FAM135B: variants seen among roughly 807,000 people sequenced by gnomAD.
FAM135B encodes the protein protein FAM135B.
In FAM135B, 43 loss-of-function variants were observed where a neutral mutation model predicts 127.7. The ratio of observed to expected loss-of-function variants is 0.34; its 90% CI spans 0.26 to 0.43. The LOEUF (loss-of-function observed/expected upper bound fraction) is 0.43, where lower values mean the gene tolerates loss of function less well. Among genes scored for constraint, FAM135B ranks in the 20% least tolerant of loss-of-function variants. FAM135B has a pLI of 1.00. For synonymous variants in FAM135B, 670 were observed against 665.1 expected (o/e 1.01, Z -0.11); for missense variants, 1,558 against 1,725.6 (o/e 0.90, Z 1.72).
At chr8:138,157,732 A>C (rs1236365375) in intron 12 of FAM135B, among the ~76,000 whole-genome samples, 1 of 152,222 alleles carries the variant, frequency 6.6e-6, no homozygotes, top group Non-Finnish European at 1.5e-5. Context: ...TAGGAATCCA[A>C]CTTACAAGGG....
chr8:138,478,511 T>C (rs1814624177), intron 1 of FAM135B, among the ~76,000 whole-genome samples: 1 of 152,218 alleles, frequency 6.6e-6, no homozygotes, highest in African/African-American at 2.4e-5. Context: ...CCAAATTATT[T>C]GTTTTATCAT....
intron 3 of FAM135B, among the ~76,000 whole-genome samples, chr8:138,295,042 T>C (rs1563866792): frequency 6.6e-6 from 1 of 151,468 alleles, no homozygotes; most frequent in Non-Finnish European, 1.5e-5. Context: ...AAGAGCTGGG[T>C]CATGAGAGAT....
At chr8:138,262,023 T>C (rs1322338192) in intron 4 of FAM135B, among the ~76,000 whole-genome samples, 1 of 152,226 alleles carries the variant, frequency 6.6e-6, no homozygotes, top group African/African-American at 2.4e-5. Context: ...CAATTAGCTG[T>C]GCCATTGTTT....
intron 7 of FAM135B, among the ~76,000 whole-genome samples, chr8:138,229,043 G>A (rs924249568): frequency 4.4e-5 from 2 of 45,362 alleles, no homozygotes; most frequent in Non-Finnish European, 9.0e-5. Flanking sequence ...ACACTCACAC[G>A]TGTGTGTGTG....
chr8:138,151,944 T>C lies in FAM135B; in HGVS notation c.2531A>G (p.Tyr844Cys), dbSNP rs1187829962. The C allele has an allele frequency of 1.2e-6, 2 of 1,614,092 alleles. No individual in the cohort carries two copies. Among genetic ancestry groups the C allele is most frequent in the African/African-American group, 2.7e-5 (2 of 74,938 alleles). The change falls in exon 13 of 20, where the codon TAC (tyrosine) becomes TGC (cysteine). Residue 844 changes from tyrosine (Y) to cysteine (C), a missense_variant. Coordinates refer to ENST00000395297, the MANE Select transcript of FAM135B (RefSeq NM_015912.4). ...CCCTTTCCCTTTGGGGATGTCTATG[T>C]ATCCGGGGCCCTGCTGGTTGTCAGC... ...LDADNQQGPG[Y>C]IDIPKGKGKQ...
chr8:138,417,201 G>A (rs551625232), intron 1 of FAM135B, among the ~76,000 whole-genome samples: 1 of 152,264 alleles, frequency 6.6e-6, no homozygotes, highest in Non-Finnish European at 1.5e-5. Context: ...CTTTCCCATG[G>A]GAGGGGGCCA....
chr8:138,301,464 G>A (rs970384159), intron 3 of FAM135B, among the ~76,000 whole-genome samples: 11 of 152,152 alleles, frequency 7.2e-5, no homozygotes, highest in African/African-American at 1.4e-4. Flanking sequence ...AGCCTATTTT[G>A]CCTGGCCTTC....
intron 1 of FAM135B, among the ~76,000 whole-genome samples, chr8:138,400,873 A>C (rs144560304): frequency 1.1e-4 from 17 of 152,370 alleles, no homozygotes; most frequent in African/African-American, 2.6e-4. Context: ...GTTTGAAAAC[A>C]CTGCAAGACT....
chr8:138,299,749 TCTTA>T (rs1277264106), intron 3 of FAM135B, among the ~76,000 whole-genome samples: 2 of 152,186 alleles, frequency 1.3e-5, no homozygotes, highest in African/African-American at 4.8e-5. Flanking sequence ...AGGTAGCTTT[TCTTA>T]CTTTGTAACA....
At chr8:138,463,622 C>T (rs1837243312) in intron 1 of FAM135B, among the ~76,000 whole-genome samples, 1 of 152,068 alleles carries the variant, frequency 6.6e-6, no homozygotes, top group Non-Finnish European at 1.5e-5. Context: ...CCACAAATAC[C>T]AAAGGTCCTG....
At chr8:138,447,530 C>A (rs762372504) in intron 1 of FAM135B, among the ~76,000 whole-genome samples, 4 of 152,052 alleles carry the variant, frequency 2.6e-5, no homozygotes, top group Non-Finnish European at 5.9e-5. Context: ...TGGAACCTAT[C>A]GTTCTCAGCA....
intron 3 of FAM135B, among the ~76,000 whole-genome samples, chr8:138,277,228 C>T (rs911629925): frequency 1.3e-5 from 2 of 152,176 alleles, no homozygotes; most frequent in African/African-American, 4.8e-5. Flanking sequence ...ATTTTTCCTT[C>T]CCTTATTCAG....
At chr8:138,430,778 C>T (rs1464193077) in intron 1 of FAM135B, among the ~76,000 whole-genome samples, 2 of 152,134 alleles carry the variant, frequency 1.3e-5, no homozygotes, top group African/African-American at 2.4e-5. Context: ...TTATTACAGG[C>T]ATCTTTGGGA....
At chr8:138,450,650 T>C (rs551399533) in intron 1 of FAM135B, 5 of 152,322 alleles carry the variant, frequency 3.3e-5, no homozygotes, top group Non-Finnish European at 7.3e-5. Flanking sequence ...TTTTCTTTGG[T>C]GAAGTGTCTG....
rs763694848 is a variant in FAM135B at position 138,141,385 on chromosome 8, C to T, written c.3639-36G>A. ...ACAGAAGGGGTACCCATGAGTGTGA[C>T]GGTGAATGCTGCTGCCCAAGAGTGC... On this transcript the variant is annotated intron_variant, in intron 16 of 19. Transcript: ENST00000395297. This position sits in a 1 kb window ranked among gnomAD's most constrained non-coding sequence, Gnocchi z 4.7. 58 of 1,609,864 alleles carry T rather than the reference C, an allele frequency of 3.6e-5. No individual in the cohort carries two copies. Among genetic ancestry groups the T allele is most frequent in the African/African-American group, 1.2e-4 (9 of 74,838 alleles).
chr8:138,151,101 T>C (rs1818100470), intron 13 of FAM135B, 93 bp downstream of exon 13: 1 of 822,056 alleles, frequency 1.2e-6, no homozygotes, highest in African/African-American at 1.7e-5. Flanking sequence ...ATCACAGATA[T>C]CTAAATTTTG....
At chr8:138,275,524 T>A (rs1230844454) in intron 3 of FAM135B, among the ~76,000 whole-genome samples, 1 of 151,742 alleles carries the variant, frequency 6.6e-6, no homozygotes, top group Non-Finnish European at 1.5e-5. Flanking sequence ...ATCGCTATAA[T>A]TTTTTTTGTG....
rs79694649 is a variant in FAM135B at position 138,334,989 on chromosome 8, C to T, written c.78-24069G>A. Among the ~76,000 whole-genome samples, 10 of 152,288 alleles carry T rather than the reference C, an allele frequency of 6.6e-5. No homozygotes were observed. The East Asian group carries it at 1.7e-3, about 26-fold the overall frequency. ...CATCAATGCATTTATAATCCTTATG[C>T]ATGCAGAAGAAAAGTCTACATTTTC... On this transcript the variant is annotated intron_variant, in intron 2 of 19. Coordinates refer to ENST00000395297, the MANE Select transcript of FAM135B (RefSeq NM_015912.4).
rs1418793520 is a variant in FAM135B at position 138,337,539 on chromosome 8, T to C, written c.78-26619A>G. Among the ~76,000 whole-genome samples, 8 of 151,874 alleles carry C rather than the reference T, an allele frequency of 5.3e-5. No homozygotes were observed. The East Asian group carries it at 1.4e-3, about 26-fold the overall frequency. ...TCAAAGAGAATAAAATACCCAGGAA[T>C]CCAACTTACAAGGGATGTGAAGGAT... is the stretch of plus-strand genomic sequence containing the variant. On this transcript the variant is annotated intron_variant, in intron 2 of 19. Transcript: ENST00000395297.
Sources: allele counts gnomAD v4.1 joint callset (sites outside exome capture counted in the v4.1 genomes callset), GRCh38; gene constraint gnomAD v4.1.1; non-coding constraint Gnocchi (gnomAD v3.1); transcripts MANE v1.5; gene names NCBI Gene and HGNC (gene_info 2026-07-23, HGNC 2026-07-21).